CRYBG1: variants seen among roughly 807,000 people sequenced by gnomAD.
CRYBG1 encodes the protein beta/gamma crystallin domain-containing protein 1.
A neutral mutation model predicts 189.2 loss-of-function variants in CRYBG1; 139 were observed. That is an observed-to-expected ratio of 0.73 (90% CI 0.64 to 0.85). CRYBG1 has a LOEUF of 0.85. Ranked by LOEUF, CRYBG1 falls within the 40% of genes least tolerant of loss-of-function variation. The pLI, the probability that CRYBG1 is intolerant of heterozygous loss-of-function variation, is 0.00. For missense variants in CRYBG1, 2,611 were observed against 2,675.8 expected (o/e 0.98, Z 0.53); for synonymous variants, 1,023 against 1,017.1 (o/e 1.01, Z -0.11).
chr6:106,438,302 C>CA (rs1486652191), intron 1 of CRYBG1, among the ~76,000 whole-genome samples: 1 of 152,228 alleles, frequency 6.6e-6, no homozygotes, highest in Non-Finnish European at 1.5e-5. Flanking sequence ...TTTTAGAATG[C>CA]ACATTCACGT....
chr6:106,525,655 T>C (rs1773722777), intron 6 of CRYBG1, among the ~76,000 whole-genome samples: 1 of 152,186 alleles, frequency 6.6e-6, no homozygotes, highest in South Asian at 2.1e-4. Flanking sequence ...CATAATATTG[T>C]TTTGGACTAG....
intron 4 of CRYBG1, 58 bp downstream of exon 4, chr6:106,521,511 G>A: frequency 2.7e-6 from 4 of 1,471,750 alleles, no homozygotes; most frequent in Non-Finnish European, 3.6e-6. Flanking sequence ...GGAAGAGAAG[G>A]ATGATGAGCA....
At chr6:106,504,002 A>G (rs976227521) in intron 2 of CRYBG1, among the ~76,000 whole-genome samples, 4 of 129,290 alleles carry the variant, frequency 3.1e-5, no homozygotes, top group Non-Finnish European at 4.7e-5. Flanking sequence ...GGATGATATT[A>G]TTGTTTGGCC....
chr6:106,536,352 T>C (rs2114563234), intron 8 of CRYBG1, among the ~76,000 whole-genome samples: 1 of 152,326 alleles, frequency 6.6e-6, no homozygotes, highest in Admixed American at 6.5e-5. Flanking sequence ...TTGGTTAAAG[T>C]GGTGCCTCCT....
intron 2 of CRYBG1, among the ~76,000 whole-genome samples, chr6:106,466,648 A>G (rs1452139682): frequency 2.6e-5 from 4 of 152,258 alleles, no homozygotes; most frequent in African/African-American, 4.8e-5. Context: ...AGGAAAAGAT[A>G]GTGTATTTAG....
intron 2 of CRYBG1, among the ~76,000 whole-genome samples, chr6:106,472,667 G>A (rs1022355292): frequency 6.6e-6 from 1 of 151,904 alleles, no homozygotes; most frequent in African/African-American, 2.4e-5. Context: ...GGCCAAGGCG[G>A]GCAGATTGCT....
At chr6:106,493,057 G>T (rs771358717) in intron 2 of CRYBG1, among the ~76,000 whole-genome samples, 6 of 151,602 alleles carry the variant, frequency 4.0e-5, no homozygotes, top group Non-Finnish European at 7.4e-5. Flanking sequence ...AATTACAGAA[G>T]AGTTTAGATC....
At chr6:106,516,223 C>A (rs530034145) in intron 3 of CRYBG1, among the ~76,000 whole-genome samples, 1 of 147,054 alleles carries the variant, frequency 6.8e-6, no homozygotes, top group East Asian at 2.0e-4. Flanking sequence ...TCTAGAAGCT[C>A]CTTAGGCCCA....
chr6:106,549,263 G>A (rs981312903), intron 13 of CRYBG1, among the ~76,000 whole-genome samples: 10 of 152,138 alleles, frequency 6.6e-5, no homozygotes, highest in Admixed American at 1.3e-4. Context: ...CAGCACATGC[G>A]GGTACCCGTG....
chr6:106,497,550 T>A (rs1021050648), intron 2 of CRYBG1, among the ~76,000 whole-genome samples: 1 of 152,226 alleles, frequency 6.6e-6, no homozygotes, highest in African/African-American at 2.4e-5. Flanking sequence ...TCCCTGTTCA[T>A]GTTTACGTGT....
At chr6:106,563,572 G>A (rs754979518) in intron 20 of CRYBG1, among the ~76,000 whole-genome samples, 192 bp from the exon 21 acceptor site, 11 of 152,184 alleles carry the variant, frequency 7.2e-5, no homozygotes, top group Non-Finnish European at 1.3e-4. Flanking sequence ...CCCATCATTC[G>A]TGTCATCTGA....
intron 2 of CRYBG1, among the ~76,000 whole-genome samples, chr6:106,497,159 C>A (rs971489233): frequency 6.6e-5 from 10 of 152,014 alleles, no homozygotes; most frequent in Admixed American, 6.6e-4. Context: ...CTCCCCACCC[C>A]CCATGACACC....
At chr6:106,380,861 G>T in intron 1 of CRYBG1, among the ~76,000 whole-genome samples, 1 of 152,166 alleles carries the variant, frequency 6.6e-6, no homozygotes, top group Admixed American at 6.5e-5. Context: ...TCCAGTGATA[G>T]TTATTTCCAC....
chr6:106,398,055 C>T (rs969486433), intron 1 of CRYBG1, among the ~76,000 whole-genome samples: 12 of 152,078 alleles, frequency 7.9e-5, no homozygotes, highest in African/African-American at 2.7e-4. Flanking sequence ...GTACCTAAAT[C>T]GCTCTCACTG....
intron 19 of CRYBG1, 95 bp from the exon 20 acceptor site, chr6:106,561,247 C>T: frequency 7.6e-7 from 1 of 1,324,444 alleles, no homozygotes; most frequent in Admixed American, 2.1e-5. Flanking sequence ...ACCCTTAATC[C>T]ATATCTCACT....
intron 1 of CRYBG1, among the ~76,000 whole-genome samples, chr6:106,408,824 C>G (rs1770872667): frequency 6.6e-6 from 1 of 152,190 alleles, no homozygotes; most frequent in Non-Finnish European, 1.5e-5. Context: ...ATTCAACACC[C>G]TTTCATGCTA....
chr6:106,568,066 C>T (rs1375681950), intron 21 of CRYBG1, among the ~76,000 whole-genome samples: 1 of 107,274 alleles, frequency 9.3e-6, no homozygotes, highest in African/African-American at 4.8e-5. Flanking sequence ...GCTCTTTCCT[C>T]GCTGGTGTCT....
intron 1 of CRYBG1, among the ~76,000 whole-genome samples, chr6:106,438,254 C>A (rs1189442208): frequency 1.3e-5 from 2 of 152,200 alleles, no homozygotes; most frequent in Non-Finnish European, 2.9e-5. Context: ...CCTGTTATTT[C>A]ATCTCTGTGT....
chr6:106,376,559 C>T (rs1358924997), intron 1 of CRYBG1, among the ~76,000 whole-genome samples: 1 of 152,046 alleles, frequency 6.6e-6, no homozygotes, highest in African/African-American at 2.4e-5. Flanking sequence ...CAGAAGGCCA[C>T]AGGTTCTGAT....
Sources: gnomAD v4.1 joint callset for allele counts (sites outside exome capture counted in the v4.1 genomes callset) on GRCh38, gnomAD v4.1.1 for gene constraint, MANE v1.5 for transcripts, NCBI Gene and HGNC (gene_info 2026-07-23, HGNC 2026-07-21) for gene names.